MEGF11: variants seen among roughly 807,000 people sequenced by gnomAD.
MEGF11 encodes the protein multiple epidermal growth factor-like domains protein 11.
In MEGF11, 126 loss-of-function variants were observed where a neutral mutation model predicts 146.6. The observed-to-expected ratio is 0.86, with a 90% CI of 0.74 to 1.00. The LOEUF (loss-of-function observed/expected upper bound fraction) is 1.00, where lower values mean the gene tolerates loss of function less well. Ranked by LOEUF, MEGF11 falls within the 50% of genes least tolerant of loss-of-function variation. The pLI is 0.00. For synonymous variants in MEGF11, 532 were observed against 583.4 expected, an observed-to-expected ratio of 0.91 and a Z score of 1.27; for missense variants, 1,509 against 1,521.2, an observed-to-expected ratio of 0.99 and a Z score of 0.13.
chr15:65,985,226 C>T (rs2081812716), intron 5 of MEGF11, among the ~76,000 whole-genome samples: 2 of 152,152 alleles, frequency 1.3e-5, no homozygotes, highest in Non-Finnish European at 2.9e-5. Context: ...AAGTGATTAC[C>T]TGAGGTTACA....
At chr15:65,965,544 A>G (rs1487593836) in intron 8 of MEGF11, among the ~76,000 whole-genome samples, 2 of 143,198 alleles carry the variant, frequency 1.4e-5, no homozygotes, top group Non-Finnish European at 3.1e-5. Flanking sequence ...GCTTTCATAA[A>G]AGGGGCTGGA....
intron 5 of MEGF11, among the ~76,000 whole-genome samples, chr15:66,010,393 A>T (rs1177268077): frequency 6.6e-6 from 1 of 151,980 alleles, no homozygotes; most frequent in Non-Finnish European, 1.5e-5. Flanking sequence ...GGGTTTCACC[A>T]TGTTGGCCAG....
At chr15:66,206,254 G>GA (rs553416714) in intron 1 of MEGF11, among the ~76,000 whole-genome samples, 3 of 152,108 alleles carry the variant, frequency 2.0e-5, no homozygotes, top group East Asian at 3.9e-4. Flanking sequence ...AAACAGACTT[G>GA]AAAAAAATGC....
At chr15:65,957,923 G>A (rs1186804897) in intron 9 of MEGF11, among the ~76,000 whole-genome samples, 9 of 152,192 alleles carry the variant, frequency 5.9e-5, no homozygotes, top group Admixed American at 5.9e-4. Flanking sequence ...GAGGCTCAGG[G>A]TGATTATATA....
At chr15:66,235,053 G>A (rs2092059510) in intron 1 of MEGF11, among the ~76,000 whole-genome samples, 1 of 152,170 alleles carries the variant, frequency 6.6e-6, no homozygotes, top group Admixed American at 6.5e-5. Flanking sequence ...CAGGAGAGGG[G>A]GCGCCACGCT....
chr15:65,970,696 G>T lies in MEGF11; in HGVS notation c.763-7C>A. On this transcript the variant is annotated splice_polypyrimidine_tract_variant and splice_region_variant and intron_variant, in intron 7 of 25. Coordinates refer to ENST00000395614, the MANE Select transcript of MEGF11 (RefSeq NM_001385028.1). ...GCTGGGCACACACTGCTCCCTAAAA[G>T]AAAGGTGGGAAGACATGCATGGCGG... 6.2e-7 allele frequency: 1 copy of T among 1,606,466 alleles called. No homozygotes were observed. The highest frequency in any genetic ancestry group is 8.5e-7 in the Non-Finnish European group (1 of 1,176,374).
chr15:65,903,506 A>G (rs1409549976), intron 24 of MEGF11, among the ~76,000 whole-genome samples: 1 of 152,230 alleles, frequency 6.6e-6, no homozygotes, highest in Non-Finnish European at 1.5e-5. Context: ...AAAGGGCCTC[A>G]GAGATGCTGT....
chr15:66,007,838 A>G (rs765219860), intron 5 of MEGF11, among the ~76,000 whole-genome samples: 3 of 152,212 alleles, frequency 2.0e-5, no homozygotes, highest in African/African-American at 7.2e-5. Flanking sequence ...CTGAGCATCT[A>G]CTAAGTGCCT....
chr15:66,036,970 G>A (rs1352326654), intron 5 of MEGF11, among the ~76,000 whole-genome samples: 2 of 152,224 alleles, frequency 1.3e-5, no homozygotes, highest in Admixed American at 6.5e-5. Flanking sequence ...TGCAGAAAGG[G>A]AAGTGCAGAG....
chr15:66,219,879 A>G (rs560048452), intron 1 of MEGF11, among the ~76,000 whole-genome samples: 2 of 152,244 alleles, frequency 1.3e-5, no homozygotes, highest in Non-Finnish European at 2.9e-5. Context: ...TGAATGGTTA[A>G]ACAAGCTGTG....
intron 1 of MEGF11, among the ~76,000 whole-genome samples, chr15:66,202,474 C>T (rs2091188368): frequency 6.6e-6 from 1 of 152,216 alleles, no homozygotes; most frequent in African/African-American, 2.4e-5. Context: ...ACTCCAGCCC[C>T]TCTGGAGGGA....
At chr15:66,140,329 T>C (rs1373678165) in intron 1 of MEGF11, among the ~76,000 whole-genome samples, 1 of 152,228 alleles carries the variant, frequency 6.6e-6, no homozygotes, top group Non-Finnish European at 1.5e-5. Context: ...AAAGGTTTTT[T>C]CTGCATACCT....
intron 1 of MEGF11, among the ~76,000 whole-genome samples, chr15:66,138,078 C>T (rs1418130462): frequency 6.6e-6 from 1 of 152,144 alleles, no homozygotes; most frequent in Non-Finnish European, 1.5e-5. Context: ...ATTTTTTTAA[C>T]CACAATAAAG....
chr15:66,135,722 T>C (rs1364351890), intron 1 of MEGF11, among the ~76,000 whole-genome samples: 1 of 152,164 alleles, frequency 6.6e-6, no homozygotes, highest in African/African-American at 2.4e-5. Context: ...AGAGAACCTT[T>C]CACAAGCTCA....
chr15:65,929,352 T>C (rs1471509954), intron 12 of MEGF11, among the ~76,000 whole-genome samples: 8 of 152,218 alleles, frequency 5.3e-5, no homozygotes, highest in African/African-American at 1.9e-4. Flanking sequence ...TTAAACATTA[T>C]CTACCAACGA....
intron 1 of MEGF11, among the ~76,000 whole-genome samples, chr15:66,226,422 A>G (rs2091853975): frequency 6.6e-6 from 1 of 151,706 alleles, no homozygotes; most frequent in African/African-American, 2.4e-5. Flanking sequence ...TAATTTTTGT[A>G]TTTTTAGTAG....
chr15:66,149,600 C>G (rs2141030963), intron 1 of MEGF11, among the ~76,000 whole-genome samples: 1 of 152,290 alleles, frequency 6.6e-6, no homozygotes, highest in South Asian at 2.1e-4. Flanking sequence ...TCCCCCATCT[C>G]CATCAGCATC....
At chr15:66,085,010 C>A (rs1361914252) in intron 5 of MEGF11, among the ~76,000 whole-genome samples, 1 of 152,036 alleles carries the variant, frequency 6.6e-6, no homozygotes, top group Non-Finnish European at 1.5e-5. Flanking sequence ...TGAGGCTGGC[C>A]CTTTGATTTG....
chr15:65,989,015 G>A (rs1221294179), intron 5 of MEGF11, among the ~76,000 whole-genome samples: 2 of 152,110 alleles, frequency 1.3e-5, no homozygotes, highest in African/African-American at 4.8e-5. Context: ...GCATCACTGG[G>A]GCAGTTTTAA....
Sources: gnomAD v4.1 joint callset for allele counts (sites outside exome capture counted in the v4.1 genomes callset) on GRCh38, gnomAD v4.1.1 for gene constraint, MANE v1.5 for transcripts, NCBI Gene and HGNC (gene_info 2026-07-23, HGNC 2026-07-21) for gene names.